ATP10A: variants seen among roughly 807,000 people sequenced by gnomAD.
ATP10A encodes the protein ATPase phospholipid transporting 10A (putative).
Under a neutral mutation model 147.8 loss-of-function variants are expected in ATP10A, and 111 were observed. The ratio of observed to expected loss-of-function variants is 0.75; its 90% confidence interval spans 0.64 to 0.88. The LOEUF (loss-of-function observed/expected upper bound fraction) is 0.88, where lower values mean the gene tolerates loss of function less well. ATP10A is among the 40% of genes least tolerant of loss of function. The pLI, the probability that ATP10A is intolerant of heterozygous loss-of-function variation, is 0.00. For missense variants in ATP10A, 1,927 were observed against 1,959.0 expected (o/e 0.98, Z 0.31); for synonymous variants, 875 against 841.6 (o/e 1.04, Z -0.69).
At chr15:25,733,183 A>T (rs1017017360) in intron 3 of ATP10A, among the ~76,000 whole-genome samples, 1 of 152,142 alleles carries the variant, frequency 6.6e-6, no homozygotes, top group Non-Finnish European at 1.5e-5. Flanking sequence ...ACGGGGCAGC[A>T]GCTGCCTCAT....
chr15:25,674,773 T>G (rs1899104813), downstream of ATP10A, among the ~76,000 whole-genome samples: 1 of 152,274 alleles, frequency 6.6e-6, no homozygotes, highest in Admixed American at 6.5e-5. Flanking sequence ...GAAATACCAC[T>G]TTCTGCAGTA....
At chr15:25,780,568 C>T (rs1889868119) in intron 2 of ATP10A, among the ~76,000 whole-genome samples, 1 of 152,180 alleles carries the variant, frequency 6.6e-6, no homozygotes, top group Admixed American at 6.5e-5. Context: ...GTGGCCAGGG[C>T]ACACCAGAGG....
chr15:25,672,817 T>C (rs1296084783), downstream of ATP10A, among the ~76,000 whole-genome samples: 1 of 152,100 alleles, frequency 6.6e-6, no homozygotes, highest in African/African-American at 2.4e-5. Context: ...AAAACTCTTG[T>C]AGGATATGTT....
chr15:25,725,949 A>T lies in ATP10A; in HGVS notation c.979+2T>A. The T allele has an allele frequency of 6.2e-7, 1 of 1,612,540 alleles. No homozygotes were observed. Among genetic ancestry groups the T allele is most frequent in the South Asian group, 1.1e-5 (1 of 90,982 alleles). On this transcript the variant is annotated splice_donor_variant, in intron 5 of 20. Coordinates refer to ENST00000555815, the MANE Select transcript of ATP10A (RefSeq NM_024490.4). LOFTEE classifies it high-confidence loss of function. ...CATTTCCGATCCATCTAGGAGACTTACCGACTGCTGAAAACAGAGACATGC... is the reference window on the plus strand; with the variant it reads ...CATTTCCGATCCATCTAGGAGACTTTCCGACTGCTGAAAACAGAGACATGC...
At chr15:25,791,144 G>T (rs1254776772) in intron 1 of ATP10A, among the ~76,000 whole-genome samples, 2 of 140,340 alleles carry the variant, frequency 1.4e-5, no homozygotes, top group East Asian at 2.2e-4. Context: ...GCAGTGGCAC[G>T]ATCTCGACTC....
chr15:25,861,641 G>C (rs1453828325), intron 1 of ATP10A: 1 of 152,258 alleles, frequency 6.6e-6, no homozygotes, highest in Non-Finnish European at 1.5e-5. Flanking sequence ...GGGCTTCCTA[G>C]AGTCTCCCCA....
intron 8 of ATP10A, 128 bp downstream of exon 8, chr15:25,718,054 G>C: frequency 1.0e-6 from 1 of 994,630 alleles, no homozygotes; most frequent in South Asian, 1.6e-5. Context: ...AGCTTCTGCT[G>C]AGTAGAGCCA....
intron 1 of ATP10A, among the ~76,000 whole-genome samples, chr15:25,791,449 C>T (rs531303467): frequency 2.6e-5 from 4 of 152,168 alleles, no homozygotes; most frequent in South Asian, 2.1e-4. Context: ...TGCAGTGGCA[C>T]AATCACAGCT....
At chr15:25,675,816 G>T (rs1899125330), downstream of ATP10A, among the ~76,000 whole-genome samples, 1 of 152,128 alleles carries the variant, frequency 6.6e-6, no homozygotes. Context: ...CATGGTGGCA[G>T]GTGCCTATAG....
intron 1 of ATP10A, among the ~76,000 whole-genome samples, chr15:25,814,860 T>C (rs1891582499): frequency 6.6e-6 from 1 of 152,220 alleles, no homozygotes; most frequent in Non-Finnish European, 1.5e-5. Flanking sequence ...CATAGTCTGG[T>C]ACTGCAAAGC....
chr15:25,734,534 C>A (rs898347542), intron 3 of ATP10A, among the ~76,000 whole-genome samples: 14 of 152,150 alleles, frequency 9.2e-5, no homozygotes, highest in Admixed American at 9.2e-4. Context: ...GAGGATGGTG[C>A]CCTGCACACA....
At chr15:25,805,080 G>C (rs573611629) in intron 1 of ATP10A, among the ~76,000 whole-genome samples, 113 of 152,320 alleles carry the variant, frequency 7.4e-4, no homozygotes, top group African/African-American at 2.4e-3. Context: ...GCCATCACAC[G>C]GGCATTCTTC....
intron 1 of ATP10A, among the ~76,000 whole-genome samples, chr15:25,790,619 A>T (rs1302970097): frequency 1.3e-5 from 2 of 152,252 alleles, no homozygotes; most frequent in African/African-American, 4.8e-5. Context: ...GAACACCCAG[A>T]TTAAATCTAT....
In ATP10A at chr15:25,718,245, G is replaced by A. The variant is rs1901950500; in HGVS notation, c.1518C>T (p.Gly506=). The change falls in exon 8 of 21, where the codon GGC becomes GGT. Residue 506 remains glycine (G), a synonymous_variant. Transcript: ENST00000555815. ...TQSTKSHRRT[G]SRAEAKRASM... is the part of the protein sequence containing the mutation. ...TGGCCCTCTTGGCCTCGGCCCGGCT[G>A]CCCGTGCGCCGGTGGGACTTGGTGC... 2 of 1,612,858 alleles carry A rather than the reference G, an allele frequency of 1.2e-6. No individual in the cohort carries two copies. Among genetic ancestry groups the A allele is most frequent in the Non-Finnish European group, 1.7e-6 (2 of 1,180,000 alleles).
In ATP10A at chr15:25,756,965, A is replaced by G. The variant is rs115233755; in HGVS notation, c.655-20824T>C. Among the ~76,000 whole-genome samples, 1,143 of 152,350 alleles carry G rather than the reference A, an allele frequency of 7.5e-3. 7 individuals are homozygous for G. The highest frequency in any genetic ancestry group is 0.026 in the African/African-American group (1,089 of 41,580). ...TAAAATGTTCATAAACAGCTCAAATATAACTGTTAAAATGAGTAAATTAGG... is the reference window on the plus strand; with the variant it reads ...TAAAATGTTCATAAACAGCTCAAATGTAACTGTTAAAATGAGTAAATTAGG... On this transcript the variant is annotated intron_variant, in intron 2 of 20. Coordinates refer to ENST00000555815, the MANE Select transcript of ATP10A (RefSeq NM_024490.4).
intron 12 of ATP10A, among the ~76,000 whole-genome samples, chr15:25,705,199 G>C (rs1215731787): frequency 6.6e-6 from 1 of 152,026 alleles, no homozygotes; most frequent in Non-Finnish European, 1.5e-5. Flanking sequence ...CCAGCACTTA[G>C]ACAGACTGAG....
chr15:25,736,237 C>T, intron 2 of ATP10A, 96 bp from the exon 3 acceptor site: 1 of 940,424 alleles, frequency 1.1e-6, no homozygotes, highest in Non-Finnish European at 1.7e-6. Context: ...GCGGCAGGCA[C>T]ATTTCACGGG....
intron 1 of ATP10A, among the ~76,000 whole-genome samples, chr15:25,830,710 T>C (rs946801393): frequency 3.9e-5 from 6 of 152,252 alleles, no homozygotes; most frequent in Middle Eastern, 6.8e-3. Flanking sequence ...GACAACTTAT[T>C]TCTGTCCCCC....
At chr15:25,741,784 G>A (rs185770557) in intron 2 of ATP10A, among the ~76,000 whole-genome samples, 16 of 152,298 alleles carry the variant, frequency 1.1e-4, no homozygotes, top group Non-Finnish European at 2.2e-4. Context: ...AAACAGCAAA[G>A]TAGTCTGTTT....
Sources: gnomAD v4.1 joint callset for allele counts (sites outside exome capture counted in the v4.1 genomes callset) on GRCh38, gnomAD v4.1.1 for gene constraint, MANE v1.5 for transcripts, NCBI Gene and HGNC (gene_info 2026-07-23, HGNC 2026-07-21) for gene names.